The following NAV1 variants were observed in gnomAD, a reference collection of about 807,000 sequenced individuals.
The protein encoded by NAV1 is neuron navigator 1.
Under a neutral mutation model 175.2 loss-of-function variants are expected in NAV1, and 18 were observed. The observed-to-expected ratio is 0.10, with a 90% CI of 0.07 to 0.15. NAV1 has a LOEUF of 0.15. Ranked by LOEUF, NAV1 falls within the 10% of genes least tolerant of loss-of-function variation. NAV1 has a pLI of 1.00. For missense variants in NAV1, 1,731 were observed against 2,436.6 expected (o/e 0.71, Z 6.10); for synonymous variants, 897 against 978.7 (o/e 0.92, Z 1.56).
At chr1:201,761,285 A>AAT (rs1674824921) in intron 3 of NAV1, among the ~76,000 whole-genome samples, 1 of 152,206 alleles carries the variant, frequency 6.6e-6, no homozygotes, top group African/African-American at 2.4e-5. Context: ...AAAAGCGGGG[A>AAT]ATAATGTGTT....
chr1:201,713,502 T>C (rs958875730), intron 2 of NAV1, among the ~76,000 whole-genome samples: 34 of 152,176 alleles, frequency 2.2e-4, no homozygotes, highest in Admixed American at 2.2e-3. Flanking sequence ...CCTCATAGCC[T>C]CCAGCTGCAT....
intron 1 of NAV1, among the ~76,000 whole-genome samples, chr1:201,670,974 G>T (rs1449651731): frequency 6.6e-6 from 1 of 152,198 alleles, no homozygotes; most frequent in Admixed American, 6.5e-5. Flanking sequence ...CAATGGTGAT[G>T]ACTAGAGCAG....
intron 2 of NAV1, among the ~76,000 whole-genome samples, chr1:201,612,906 C>T (rs1302820466): frequency 2.0e-5 from 3 of 151,846 alleles, no homozygotes; most frequent in South Asian, 2.1e-4. Context: ...TGCAGCAGTA[C>T]GAGTCATATC....
chr1:201,716,503 G>A (rs1374870248), intron 2 of NAV1, among the ~76,000 whole-genome samples: 6 of 152,202 alleles, frequency 3.9e-5, no homozygotes, highest in Non-Finnish European at 8.8e-5. Context: ...CCAAGGAGAT[G>A]TGATGTCTAG....
At chr1:201,648,800 C>A in exon 1 of NAV1, 2 of 1,544,674 alleles carry the variant, frequency 1.3e-6, no homozygotes, top group Non-Finnish European at 1.7e-6. Flanking sequence ...GCATGCTGCC[C>A]AAGCGCGCCA....
At chr1:201,546,354 G>C (rs1466079638) in intron 1 of NAV1, among the ~76,000 whole-genome samples, 3 of 152,180 alleles carry the variant, frequency 2.0e-5, no homozygotes, top group African/African-American at 4.8e-5. Context: ...ACCTCACTGG[G>C]TGAGTCTGTG....
intron 8 of NAV1, among the ~76,000 whole-genome samples, chr1:201,785,913 C>T (rs1294175688): frequency 6.6e-6 from 1 of 151,254 alleles, no homozygotes; most frequent in Non-Finnish European, 1.5e-5. Flanking sequence ...CTGCCTCAGC[C>T]TCCCGAGTAG....
chr1:201,560,931 C>G (rs530102028), intron 1 of NAV1, among the ~76,000 whole-genome samples: 1 of 152,348 alleles, frequency 6.6e-6, no homozygotes, highest in African/African-American at 2.4e-5. Flanking sequence ...ACATAGTCAG[C>G]ATTTCCGTTG....
chr1:201,595,536 C>T (rs1667326027), intron 2 of NAV1, among the ~76,000 whole-genome samples: 1 of 152,234 alleles, frequency 6.6e-6, no homozygotes, highest in African/African-American at 2.4e-5. Flanking sequence ...CCTCTGCTCA[C>T]CAGGTCCCTC....
chr1:201,683,006 G>A (rs1352781780), intron 1 of NAV1, among the ~76,000 whole-genome samples: 8 of 152,034 alleles, frequency 5.3e-5, no homozygotes, highest in Non-Finnish European at 1.2e-4. Context: ...TAACTTGGAA[G>A]TCCAGACTTT....
At chr1:201,574,887 C>T (rs1666650998) in intron 1 of NAV1, among the ~76,000 whole-genome samples, 1 of 152,214 alleles carries the variant, frequency 6.6e-6, no homozygotes, top group Non-Finnish European at 1.5e-5. Flanking sequence ...TCGGCCTCTG[C>T]TCAGACTGGG....
chr1:201,591,318 A>G (rs1477189965), intron 2 of NAV1, among the ~76,000 whole-genome samples: 4 of 152,004 alleles, frequency 2.6e-5, no homozygotes, highest in Non-Finnish European at 5.9e-5. Flanking sequence ...AGTCATTGTC[A>G]CCCCTTAGCA....
chr1:201,698,227 C>T (rs980646725), intron 1 of NAV1, among the ~76,000 whole-genome samples: 3 of 152,196 alleles, frequency 2.0e-5, no homozygotes, highest in African/African-American at 7.2e-5. Flanking sequence ...TCACCTCTTC[C>T]AGGACCTCCC....
intron 3 of NAV1, among the ~76,000 whole-genome samples, chr1:201,722,735 T>C (rs1378272709): frequency 6.6e-6 from 1 of 152,248 alleles, no homozygotes; most frequent in Non-Finnish European, 1.5e-5. Flanking sequence ...TTGATATTTC[T>C]ACCAGCAATG....
intron 1 of NAV1, among the ~76,000 whole-genome samples, chr1:201,705,935 G>C (rs991314809): frequency 1.3e-5 from 2 of 152,178 alleles, no homozygotes; most frequent in African/African-American, 4.8e-5. Context: ...CTGGATGCAA[G>C]AACCAGCAGA....
chr1:201,775,453 G>A (rs1324210734), intron 3 of NAV1, among the ~76,000 whole-genome samples: 1 of 152,080 alleles, frequency 6.6e-6, no homozygotes, highest in African/African-American at 2.4e-5. Context: ...TCCCTATACT[G>A]AAGCCATAGT....
At chr1:201,546,990 A>ATTT (rs201089522) in intron 1 of NAV1, among the ~76,000 whole-genome samples, 1 of 145,058 alleles carries the variant, frequency 6.9e-6, no homozygotes, top group African/African-American at 2.5e-5. Context: ...GAACAAGGAC[A>ATTT]TTTTTTTTTT....
intron 1 of NAV1, among the ~76,000 whole-genome samples, chr1:201,553,299 G>C (rs961236751): frequency 4.6e-5 from 7 of 152,350 alleles, no homozygotes; most frequent in African/African-American, 1.7e-4. Flanking sequence ...GTGGCCCATG[G>C]GCCAGGGCTG....
intron 3 of NAV1, among the ~76,000 whole-genome samples, chr1:201,767,400 G>A (rs1448181202): frequency 6.6e-6 from 1 of 151,838 alleles, no homozygotes; most frequent in African/African-American, 2.4e-5. Flanking sequence ...GCAGTGAGCC[G>A]AGATTGCGCC....
Sources: allele counts gnomAD v4.1 joint callset (sites outside exome capture counted in the v4.1 genomes callset), GRCh38; gene constraint gnomAD v4.1.1; transcripts MANE v1.5; gene names NCBI Gene and HGNC (gene_info 2026-07-23, HGNC 2026-07-21).